Variants in SLC17A6 observed in about 807,000 individuals in gnomAD.
SLC17A6 encodes the protein solute carrier family 17 member 6.
In SLC17A6, 35 loss-of-function variants were observed where a neutral mutation model predicts 67.1. The observed-to-expected ratio is 0.52, with a 90% confidence interval of 0.40 to 0.69. The LOEUF is 0.69. Ranked by LOEUF, SLC17A6 falls within the 30% of genes least tolerant of loss-of-function variation. The pLI is 0.00. For synonymous variants in SLC17A6, 285 were observed against 252.3 expected (o/e 1.13, Z -1.23); for missense variants, 588 against 723.9 (o/e 0.81, Z 2.15).
chr11:22,352,045 A>G (rs1855945012), intron 3 of SLC17A6, among the ~76,000 whole-genome samples: 1 of 152,246 alleles, frequency 6.6e-6, no homozygotes, highest in African/African-American at 2.4e-5. Flanking sequence ...ATTAAGTATT[A>G]ATGAATGGTG....
chr11:22,354,073 T>C (rs1459220349), intron 3 of SLC17A6, among the ~76,000 whole-genome samples: 1 of 150,594 alleles, frequency 6.6e-6, no homozygotes, highest in Admixed American at 6.6e-5. Context: ...TGCTAAACAA[T>C]TTATATTTTT....
intron 8 of SLC17A6, among the ~76,000 whole-genome samples, chr11:22,372,541 C>T (rs2133877297): frequency 6.6e-6 from 1 of 152,098 alleles, no homozygotes; most frequent in Non-Finnish European, 1.5e-5. Context: ...TGAGAATAGA[C>T]ATCCATTCCT....
intron 7 of SLC17A6, among the ~76,000 whole-genome samples, chr11:22,369,736 A>T (rs770360996): frequency 6.6e-6 from 1 of 151,868 alleles, no homozygotes; most frequent in Admixed American, 6.6e-5. Flanking sequence ...GGAAAAAAAA[A>T]CCTTAAGAAA....
intron 5 of SLC17A6, among the ~76,000 whole-genome samples, chr11:22,361,725 G>C (rs11026532): frequency 0.29 from 43,968 of 151,898 alleles, 6,683 homozygotes; most frequent in East Asian, 0.53. Flanking sequence ...CTTTTTGTTT[G>C]TTGCTAACTT....
At chr11:22,365,077 C>T (rs1439051255) in intron 6 of SLC17A6, among the ~76,000 whole-genome samples, 1 of 152,112 alleles carries the variant, frequency 6.6e-6, no homozygotes, top group African/African-American at 2.4e-5. Context: ...GAAGTGCTAA[C>T]AGGAGAGGGA....
intron 3 of SLC17A6, among the ~76,000 whole-genome samples, chr11:22,353,393 A>G (rs1855963641): frequency 6.6e-6 from 1 of 152,172 alleles, no homozygotes; most frequent in Non-Finnish European, 1.5e-5. Flanking sequence ...ATTCTTAACT[A>G]ATACTATATC....
At chr11:22,354,857 A>G (rs528134978) in intron 3 of SLC17A6, among the ~76,000 whole-genome samples, 25 of 152,360 alleles carry the variant, frequency 1.6e-4, no homozygotes, top group African/African-American at 5.3e-4. Context: ...ATGAGAATCT[A>G]GAAGTGATAT....
rs766066920 is a variant in SLC17A6 at position 22,341,576 on chromosome 11, G to T, written c.135G>T (p.Glu45Asp). Residue 45 changes from glutamate (E) to aspartate (D), a missense_variant, in exon 2 of 12, where the codon GAG becomes GAT. Coordinates refer to ENST00000263160, the MANE Select transcript of SLC17A6 (RefSeq NM_020346.3). ...CCGGGGAGACAATCGAGCTGACGGA[G>T]GATGGGAAGCCCCTAGAGGTGCCCG... The part of the protein sequence containing the change: ...QDTGETIELT[E>D]DGKPLEVPER... The T allele has an allele frequency of 6.2e-7, 1 of 1,614,080 alleles. No homozygotes were observed. The highest frequency in any genetic ancestry group is 1.1e-5 in the South Asian group (1 of 91,088).
At chr11:22,369,015 G>A (rs1564985888) in intron 7 of SLC17A6, among the ~76,000 whole-genome samples, 1 of 151,930 alleles carries the variant, frequency 6.6e-6, no homozygotes, top group Non-Finnish European at 1.5e-5. Flanking sequence ...CAATTATGAG[G>A]TTTTCCATTC....
At chr11:22,366,303 C>T (rs966482072) in intron 7 of SLC17A6, among the ~76,000 whole-genome samples, 2 of 151,570 alleles carry the variant, frequency 1.3e-5, no homozygotes, top group African/African-American at 4.9e-5. Flanking sequence ...TTGTACTGTA[C>T]AACTAGTAAC....
At chr11:22,373,433 C>T (rs913266826) in intron 8 of SLC17A6, among the ~76,000 whole-genome samples, 1 of 151,898 alleles carries the variant, frequency 6.6e-6, no homozygotes. Context: ...TTGTACTTTT[C>T]TCAGGATGCT....
At chr11:22,377,186 T>C (rs1037059142) in intron 11 of SLC17A6, among the ~76,000 whole-genome samples, 5 of 152,244 alleles carry the variant, frequency 3.3e-5, no homozygotes, top group Admixed American at 3.3e-4. Flanking sequence ...ATAGATATAT[T>C]TGTAATTTTA....
chr11:22,343,159 GGGCTTTTT>G, intron 2 of SLC17A6, 80 bp from the exon 3 acceptor site: 1 of 1,072,732 alleles, frequency 9.3e-7, no homozygotes, highest in Non-Finnish European at 1.4e-6. Context: ...CAAGCCTTGG[GGGCTTTTT>G]GGCTTGTGAA....
chr11:22,377,415 A>G lies in SLC17A6; in HGVS notation c.1424A>G (p.Glu475Gly), dbSNP rs1051772871. ...GAMTKNKSRE[E>G]WQYVFLIAAL... ...TTTTTCTCACTGCAGTCACGTGAAGAGTGGCAGTATGTCTTCCTGATCGCT... is the reference window on the plus strand; with the variant it reads ...TTTTTCTCACTGCAGTCACGTGAAGGGTGGCAGTATGTCTTCCTGATCGCT... Residue 475 changes from glutamate (E) to glycine (G), a missense_variant, in exon 12 of 12, where the codon GAG becomes GGG. Glu to Gly is a moderately conservative substitution (Grantham distance 98). Coordinates refer to ENST00000263160, the MANE Select transcript of SLC17A6 (RefSeq NM_020346.3). 2.5e-6 allele frequency: 4 copies of G among 1,607,218 alleles called. No individual in the cohort carries two copies. The African/African-American group carries it at 4.0e-5, about 16-fold the overall frequency.
chr11:22,358,056 T>C (rs1856010229), intron 3 of SLC17A6, among the ~76,000 whole-genome samples: 1 of 152,174 alleles, frequency 6.6e-6, no homozygotes, highest in African/African-American at 2.4e-5. Context: ...TGATTAATAA[T>C]AATCATAGAG....
At position 22,341,740 on chromosome 11, in the gene SLC17A6, A is replaced by T; in HGVS notation, c.299A>T (p.Asn100Ile). Residue 100 changes from asparagine to isoleucine, a missense_variant, in exon 2 of 12, where the codon AAC becomes ATC. Physicochemically the swap from Asn to Ile is moderately radical, Grantham distance 149 (BLOSUM62 -3). This residue lies in a region of SLC17A6 where 48 missense variants were observed against 36.5 expected (regional missense o/e 1.32). Transcript: ENST00000263160. ...NLGVAIVDMV[N>I]NSTIHRGGKV... Reference sequence around the variant, plus strand: ...GGCGTGGCCATTGTGGACATGGTCAACAACAGCACCATCCACCGCGGGGGC... The same window carrying T: ...GGCGTGGCCATTGTGGACATGGTCATCAACAGCACCATCCACCGCGGGGGC... The T allele has an allele frequency of 6.2e-7, 1 of 1,614,222 alleles. No homozygotes were observed. The highest frequency in any genetic ancestry group is 8.5e-7 in the Non-Finnish European group (1 of 1,180,038).
chr11:22,351,501 A>G (rs1344073032), intron 3 of SLC17A6, among the ~76,000 whole-genome samples: 1 of 152,188 alleles, frequency 6.6e-6, no homozygotes, highest in Admixed American at 6.5e-5. Flanking sequence ...AACTGAATAC[A>G]GAATCGTTTT....
chr11:22,353,673 A>G (rs1454159580), intron 3 of SLC17A6, among the ~76,000 whole-genome samples: 1 of 152,254 alleles, frequency 6.6e-6, no homozygotes, highest in Non-Finnish European at 1.5e-5. Context: ...TTTTTGATCT[A>G]ACAATCTAAT....
In SLC17A6 at chr11:22,342,957, G is replaced by A. The variant is rs1011287563; in HGVS notation, c.340-290G>A. The A allele has an allele frequency of 2.5e-5, 13 of 523,438 alleles. No homozygotes were observed. In the East Asian group the frequency reaches 5.5e-4, roughly 22 times the overall value. 32.4% of individuals were successfully genotyped at this position (523,438 alleles called of 1,614,324 possible). On this transcript the variant is annotated intron_variant, in intron 2 of 11. Coordinates refer to ENST00000263160, the MANE Select transcript of SLC17A6 (RefSeq NM_020346.3). ...GGGAGTCCGAATTTCCAAGACGGGGGCCCTCTAGATTCCTCCTTCATTCAG... is the reference window on the plus strand; with the variant it reads ...GGGAGTCCGAATTTCCAAGACGGGGACCCTCTAGATTCCTCCTTCATTCAG...
Sources: allele counts gnomAD v4.1 joint callset (sites outside exome capture counted in the v4.1 genomes callset), GRCh38; gene constraint gnomAD v4.1.1; regional missense constraint gnomAD v4.1.1; transcripts MANE v1.5; gene names NCBI Gene and HGNC (gene_info 2026-07-23, HGNC 2026-07-21).